RELN: variants seen among roughly 807,000 people sequenced by gnomAD.
The protein encoded by RELN is reelin.
RELN carries 108 observed loss-of-function variants against 427.6 expected under a neutral mutation model. That is an observed-to-expected ratio of 0.25 (90% CI 0.22 to 0.30). The LOEUF is 0.30. Ranked by LOEUF, RELN falls within the 10% of genes least tolerant of loss-of-function variation. RELN has a pLI of 1.00. For missense variants in RELN, 3,715 were observed against 4,302.8 expected (o/e 0.86, Z 3.82); for synonymous variants, 1,524 against 1,513.4 (o/e 1.01, Z -0.16).
chr7:103,763,478 G>A (rs780562399), intron 4 of RELN, among the ~76,000 whole-genome samples: 20 of 152,046 alleles, frequency 1.3e-4, no homozygotes, highest in Non-Finnish European at 2.8e-4. Context: ...CATACAATAT[G>A]GTAAACTAAA....
At chr7:103,805,078 A>T (rs1463107109) in intron 3 of RELN, among the ~76,000 whole-genome samples, 1 of 152,096 alleles carries the variant, frequency 6.6e-6, no homozygotes. Flanking sequence ...TGAGTGGAAA[A>T]AAAAAACAAC....
chr7:103,730,088 G>C (rs1790315476), intron 6 of RELN, among the ~76,000 whole-genome samples: 2 of 151,970 alleles, frequency 1.3e-5, no homozygotes, highest in Admixed American at 6.6e-5. Context: ...TTGTGAAATG[G>C]CTTAAGAGAA....
intron 1 of RELN, among the ~76,000 whole-genome samples, chr7:103,936,693 T>C (rs1363370151): frequency 6.6e-6 from 1 of 150,976 alleles, no homozygotes; most frequent in Non-Finnish European, 1.5e-5. Flanking sequence ...TGCTGTTTCT[T>C]TTACTGGGAA....
chr7:103,828,637 TCA>T (rs1793200662), intron 3 of RELN, among the ~76,000 whole-genome samples: 1 of 151,926 alleles, frequency 6.6e-6, no homozygotes, highest in African/African-American at 2.4e-5. Context: ...TGCCTGTAAT[TCA>T]CACATTCCCC....
intron 29 of RELN, 143 bp downstream of exon 29, chr7:103,575,405 G>A: frequency 2.2e-6 from 2 of 901,060 alleles, no homozygotes; most frequent in Non-Finnish European, 3.6e-6. Flanking sequence ...CACCTCATGT[G>A]CCTGGGTTGT....
chr7:103,738,828 G>A (rs1025121430), intron 6 of RELN, among the ~76,000 whole-genome samples: 2 of 151,570 alleles, frequency 1.3e-5, no homozygotes, highest in South Asian at 4.2e-4. Flanking sequence ...GACTACAGCT[G>A]CATGCCATCA....
rs570515000 is a variant in RELN, at chr7:103,573,821, A to G, written c.4511+271T>C. Among the ~76,000 whole-genome samples, 8 of 152,346 alleles carry G rather than the reference A, an allele frequency of 5.3e-5. No individual in the cohort carries two copies. The South Asian group carries it at 1.7e-3, about 32-fold the overall frequency. ...ATAATACCAAATGGTTTTCATAATA[A>G]TATCAAACTTCAGAAAATCAAGCTG... On this transcript the variant is annotated intron_variant, in intron 30 of 64. Coordinates refer to ENST00000428762, the MANE Select transcript of RELN (RefSeq NM_005045.4). The surrounding 1 kb of genome is among the most constrained non-coding windows in gnomAD (Gnocchi z 4.4).
intron 2 of RELN, among the ~76,000 whole-genome samples, chr7:103,871,616 G>C (rs569877970): frequency 2.0e-5 from 3 of 152,240 alleles, no homozygotes; most frequent in South Asian, 4.1e-4. Flanking sequence ...GGAGTGGAAA[G>C]GCAGCAGTGA....
rs2229862 is a variant in RELN, at chr7:103,500,904, G to A, written c.8508C>T (p.Phe2836=). The change falls in exon 53 of 65, where the codon TTC becomes TTT. Residue 2836 remains phenylalanine, a synonymous_variant. Transcript: ENST00000428762. The part of the protein sequence containing the change: ...SLVGNPVRFR[F]YQKYSDMQWA... ...ACTGCATGTCTGAGTACTTCTGATA[G>A]AACCTAAACCTTACCGGACTATTGA... 75,294 of 1,613,868 alleles carry A rather than the reference G, an allele frequency of 0.047. 1,932 individuals are homozygous for A. Among genetic ancestry groups the A allele is most frequent in the Non-Finnish European group, 0.054 (64,237 of 1,179,814 alleles).
In RELN at chr7:103,867,904, C is replaced by T. The variant is rs368834673; in HGVS notation, c.338-34232G>A. 2.0e-5 allele frequency among the ~76,000 whole-genome samples: 3 copies of T among 152,150 alleles called. No homozygotes were observed. The East Asian group carries it at 5.8e-4, about 29-fold the overall frequency. ...ATTCCAAACCAAAGTAGACCCCAGG[C>T]AACGCTGTGAAGTCAGCCAAATCCA... On this transcript the variant is annotated intron_variant, in intron 2 of 64. Transcript: ENST00000428762.
intron 1 of RELN, among the ~76,000 whole-genome samples, chr7:103,952,733 C>T (rs1295510135): frequency 6.6e-6 from 1 of 152,132 alleles, no homozygotes; most frequent in African/African-American, 2.4e-5. Context: ...AAAAACCTTA[C>T]AAAGTAGCTG....
rs77303500 is a variant in RELN at position 103,972,613 on chromosome 7, A to C, written c.226+16518T>G. Reference sequence around the variant, plus strand: ...TGGCCATCTGACTTCTGTTTGGAATAGAGGGGCCATCATCCATCAAAGACT... The same window carrying C: ...TGGCCATCTGACTTCTGTTTGGAATCGAGGGGCCATCATCCATCAAAGACT... On this transcript the variant is annotated intron_variant, in intron 1 of 64. Coordinates refer to ENST00000428762, the MANE Select transcript of RELN (RefSeq NM_005045.4). Among the ~76,000 whole-genome samples, 335 of 152,294 alleles carry C rather than the reference A, an allele frequency of 2.2e-3. 7 individuals are homozygous for C. In the East Asian group the frequency reaches 0.048, roughly 22 times the overall value.
intron 1 of RELN, among the ~76,000 whole-genome samples, chr7:103,984,003 A>G (rs1797046224): frequency 6.6e-6 from 1 of 152,180 alleles, no homozygotes; most frequent in South Asian, 2.1e-4. Context: ...ATCAGCAACT[A>G]TTTATGAAGA....
intron 64 of RELN, 49 bp from the exon 65 acceptor site, chr7:103,472,957 A>G: frequency 7.2e-7 from 1 of 1,388,394 alleles, no homozygotes; most frequent in Non-Finnish European, 1.0e-6. Flanking sequence ...GAAAAAGAGC[A>G]TGTAAGTCCC....
intron 8 of RELN, among the ~76,000 whole-genome samples, chr7:103,701,940 C>G (rs1415074083): frequency 2.0e-5 from 3 of 152,144 alleles, no homozygotes; most frequent in African/African-American, 7.2e-5. Context: ...TCAGGGGTTC[C>G]AAGCTTTAAT....
rs190623827 is a variant in RELN at position 103,612,866 on chromosome 7, T to C, written c.2703-1063A>G. Among the ~76,000 whole-genome samples the C allele has an allele frequency of 5.3e-4, 80 of 152,294 alleles. No homozygotes were observed. The East Asian group carries it at 0.014, about 27-fold the overall frequency. ...CTGCTCAGGAGCTTGTAATTTATCATAGAAGATTAAAATATAGACATATTA... is the reference window on the plus strand; with the variant it reads ...CTGCTCAGGAGCTTGTAATTTATCACAGAAGATTAAAATATAGACATATTA... On this transcript the variant is annotated intron_variant, in intron 20 of 64. Transcript: ENST00000428762.
intron 2 of RELN, among the ~76,000 whole-genome samples, chr7:103,914,652 T>C (rs10282622): frequency 0.11 from 16,207 of 152,050 alleles, 1,746 homozygotes; most frequent in African/African-American, 0.27. Flanking sequence ...GGTAACCTTA[T>C]CATCATCATG....
Position 103,651,693 on chromosome 7 carries a change from G to T in RELN, c.1860C>A (p.His620Gln). 6.2e-7 allele frequency: 1 copy of T among 1,611,944 alleles called. No homozygotes were observed. Among genetic ancestry groups the T allele is most frequent in the Non-Finnish European group, 8.5e-7 (1 of 1,178,584 alleles). Residue 620 changes from histidine to glutamine, a missense_variant, in exon 15 of 65, where the codon CAC becomes CAA. By Grantham distance (24) the His-to-Gln change is conservative. Coordinates refer to ENST00000428762, the MANE Select transcript of RELN (RefSeq NM_005045.4). ...AGTTTTCAGAGGAGTAGACAGTGCT[G>T]TGGGGGAGGTGGGGTCCAGCACAGA... ...PEICAGPHLP[H>Q]STVYSSENYS...
chr7:103,773,884 G>T (rs149855359), intron 4 of RELN, among the ~76,000 whole-genome samples: 1 of 152,256 alleles, frequency 6.6e-6, no homozygotes, highest in African/African-American at 2.4e-5. Flanking sequence ...CCCGTCATTT[G>T]TATCTTAGCC....
Sources: allele counts gnomAD v4.1 joint callset (sites outside exome capture counted in the v4.1 genomes callset), GRCh38; gene constraint gnomAD v4.1.1; non-coding constraint Gnocchi (gnomAD v3.1); transcripts MANE v1.5; gene names NCBI Gene and HGNC (gene_info 2026-07-23, HGNC 2026-07-21).